Variants in PRKG1 observed in about 807,000 individuals in gnomAD.
PRKG1 encodes cGMP-dependent protein kinase 1.
PRKG1 carries 35 observed loss-of-function variants against 88.1 expected under a neutral mutation model. The observed-to-expected ratio is 0.40, with a 90% CI of 0.30 to 0.53. PRKG1 has a LOEUF of 0.53. PRKG1 is among the 20% of genes least tolerant of loss of function. The pLI is 0.59. For missense variants in PRKG1, 540 were observed against 839.8 expected (o/e 0.64, Z 4.41); for synonymous variants, 303 against 292.5 (o/e 1.04, Z -0.37).
At chr10:51,650,131 A>C (rs748291863) in intron 3 of PRKG1, among the ~76,000 whole-genome samples, 16 of 152,084 alleles carry the variant, frequency 1.1e-4, no homozygotes, top group Admixed American at 1.0e-3. Flanking sequence ...GAATTTTACC[A>C]ACCAGTATAA....
intron 5 of PRKG1, among the ~76,000 whole-genome samples, chr10:51,978,310 C>T (rs1261003935): frequency 6.6e-6 from 1 of 151,840 alleles, no homozygotes; most frequent in East Asian, 1.9e-4. Flanking sequence ...CTCCATTTCA[C>T]TGGTTTATGT....
At chr10:51,057,094 A>C (rs1843634779) in intron 1 of PRKG1, among the ~76,000 whole-genome samples, 1 of 152,256 alleles carries the variant, frequency 6.6e-6, no homozygotes, top group Non-Finnish European at 1.5e-5. Context: ...ATAGTAAATC[A>C]AAATATTTTT....
At chr10:51,847,900 C>A (rs1177414725) in intron 4 of PRKG1, among the ~76,000 whole-genome samples, 2 of 128,298 alleles carry the variant, frequency 1.6e-5, no homozygotes, top group Non-Finnish European at 3.2e-5. Flanking sequence ...GAACTCTATT[C>A]TCTTGTCTAA....
chr10:51,567,937 A>G (rs1837650141), intron 3 of PRKG1, among the ~76,000 whole-genome samples: 1 of 151,994 alleles, frequency 6.6e-6, no homozygotes, highest in Non-Finnish European at 1.5e-5. Flanking sequence ...ATTGGACCCT[A>G]AGTTTGATGG....
At chr10:52,043,931 A>AC (rs61596665) in intron 5 of PRKG1, among the ~76,000 whole-genome samples, 9,663 of 149,630 alleles carry the variant, frequency 0.065, 719 homozygotes, top group East Asian at 0.42. Context: ...AAAAAAAAAA[A>AC]CCCAAGCATT....
intron 3 of PRKG1, among the ~76,000 whole-genome samples, chr10:51,762,836 C>T (rs1838054904): frequency 1.3e-5 from 2 of 152,104 alleles, no homozygotes; most frequent in Non-Finnish European, 2.9e-5. Context: ...TTCACAAATG[C>T]GATAGCTAGA....
chr10:51,526,513 T>C (rs1841887830), intron 3 of PRKG1, among the ~76,000 whole-genome samples: 1 of 152,210 alleles, frequency 6.6e-6, no homozygotes, highest in Non-Finnish European at 1.5e-5. Context: ...ACCAAGACTT[T>C]TGAGTTTTCC....
intron 3 of PRKG1, among the ~76,000 whole-genome samples, chr10:51,499,703 C>A (rs965334283): frequency 3.9e-5 from 6 of 152,170 alleles, no homozygotes; most frequent in African/African-American, 1.2e-4. Flanking sequence ...ACTTTGGAGG[C>A]TGAAGCAGGA....
At chr10:51,612,952 C>T (rs1051959034) in intron 3 of PRKG1, among the ~76,000 whole-genome samples, 4 of 151,900 alleles carry the variant, frequency 2.6e-5, no homozygotes, top group African/African-American at 7.2e-5. Flanking sequence ...GCCATCCTTG[C>T]GTACCTGGTA....
At chr10:51,299,376 T>C (rs956220064) in intron 2 of PRKG1, among the ~76,000 whole-genome samples, 2 of 152,032 alleles carry the variant, frequency 1.3e-5, no homozygotes, top group Non-Finnish European at 2.9e-5. Flanking sequence ...TGGCTAAGTT[T>C]TGTAATTTTA....
intron 2 of PRKG1, among the ~76,000 whole-genome samples, chr10:51,403,572 C>G (rs1331374764): frequency 6.6e-6 from 1 of 152,082 alleles, no homozygotes; most frequent in Non-Finnish European, 1.5e-5. Context: ...ACTCAAAGAG[C>G]CTCAATAACT....
intron 2 of PRKG1, among the ~76,000 whole-genome samples, chr10:51,200,450 A>G (rs1486940631): frequency 6.6e-6 from 1 of 152,224 alleles, no homozygotes; most frequent in Non-Finnish European, 1.5e-5. Context: ...TCACAGCTAA[A>G]ATGATAGAGA....
At chr10:51,422,563 T>G (rs1043682836) in intron 2 of PRKG1, among the ~76,000 whole-genome samples, 2 of 152,168 alleles carry the variant, frequency 1.3e-5, no homozygotes, top group Non-Finnish European at 2.9e-5. Flanking sequence ...TCACATACTT[T>G]GTCAGCTCCA....
intron 3 of PRKG1, among the ~76,000 whole-genome samples, chr10:51,545,440 G>A (rs79999598): frequency 0.071 from 10,821 of 152,108 alleles, 1,260 homozygotes; most frequent in African/African-American, 0.24. Context: ...TTAATAACCA[G>A]CTCTTTTCCT....
chr10:51,198,422 T>C (rs574683855), intron 2 of PRKG1, among the ~76,000 whole-genome samples: 1 of 152,330 alleles, frequency 6.6e-6, no homozygotes, highest in South Asian at 2.1e-4. Context: ...TTCGAATAAA[T>C]ATCCAATGAA....
intron 3 of PRKG1, among the ~76,000 whole-genome samples, chr10:51,702,189 A>C (rs755694812): frequency 3.9e-5 from 6 of 152,236 alleles, no homozygotes; most frequent in Admixed American, 6.5e-5. Flanking sequence ...ACTATGGGAC[A>C]AACAAGAAGG....
At chr10:52,062,238 G>A (rs1165355026) in intron 6 of PRKG1, among the ~76,000 whole-genome samples, 2 of 152,062 alleles carry the variant, frequency 1.3e-5, no homozygotes, top group Non-Finnish European at 2.9e-5. Context: ...TCATTATAGT[G>A]GTTGCTTCAT....
At chr10:52,228,182 A>G (rs1840436004) in intron 9 of PRKG1, among the ~76,000 whole-genome samples, 1 of 152,032 alleles carries the variant, frequency 6.6e-6, no homozygotes, top group Non-Finnish European at 1.5e-5. Context: ...TCGTAATGCA[A>G]TTGTCAACTG....
intron 1 of PRKG1, among the ~76,000 whole-genome samples, chr10:51,084,362 C>T (rs1049329246): frequency 4.6e-5 from 7 of 152,156 alleles, no homozygotes; most frequent in Non-Finnish European, 8.8e-5. Flanking sequence ...ATATCTGTGT[C>T]TTTGCATTCT....
Sources: gnomAD v4.1 joint callset for allele counts (sites outside exome capture counted in the v4.1 genomes callset) on GRCh38, gnomAD v4.1.1 for gene constraint, MANE v1.5 for transcripts, NCBI Gene and HGNC (gene_info 2026-07-23, HGNC 2026-07-21) for gene names.